The following NSMAF variants were observed in gnomAD, a reference collection of about 807,000 sequenced individuals.
NSMAF encodes protein FAN.
A neutral mutation model predicts 134.9 loss-of-function variants in NSMAF; 90 were observed. The ratio of observed to expected loss-of-function variants is 0.67; its 90% CI spans 0.56 to 0.79. The LOEUF is 0.79. Ranked by LOEUF, NSMAF falls within the 30% of genes least tolerant of loss-of-function variation. The pLI is 0.00. For synonymous variants in NSMAF, 358 were observed against 389.6 expected (o/e 0.92, Z 0.96); for missense variants, 1,010 against 1,119.0 (o/e 0.90, Z 1.39).
chr8:58,623,635 T>C (rs1009750391), intron 7 of NSMAF, 74 bp downstream of exon 7: 6 of 1,289,908 alleles, frequency 4.7e-6, no homozygotes, highest in Admixed American at 1.8e-5. Flanking sequence ...TTGGGTAAGG[T>C]ATATAAATAC....
chr8:58,639,587 G>A (rs967050205), intron 2 of NSMAF, among the ~76,000 whole-genome samples: 31 of 152,170 alleles, frequency 2.0e-4, no homozygotes, highest in African/African-American at 7.5e-4. Flanking sequence ...ATACTATCCA[G>A]CAATCCCACT....
intron 1 of NSMAF, among the ~76,000 whole-genome samples, chr8:58,658,008 C>T (rs1237636533): frequency 6.6e-6 from 1 of 152,084 alleles, no homozygotes; most frequent in Non-Finnish European, 1.5e-5. Context: ...ATTACTTCAT[C>T]GAAATAACAG....
intron 23 of NSMAF, 71 bp from the exon 24 acceptor site, chr8:58,591,005 C>T: frequency 2.0e-6 from 3 of 1,481,678 alleles, no homozygotes; most frequent in Non-Finnish European, 2.7e-6. Flanking sequence ...AGAACAGCTG[C>T]TCTTCTTGTT....
At chr8:58,646,103 A>G (rs1807446488) in intron 1 of NSMAF, among the ~76,000 whole-genome samples, 1 of 152,328 alleles carries the variant, frequency 6.6e-6, no homozygotes, top group South Asian at 2.1e-4. Context: ...CAAAAAATTA[A>G]AAATGATAGC....
chr8:58,621,846 T>C (rs1339796923), intron 9 of NSMAF, among the ~76,000 whole-genome samples: 5 of 152,164 alleles, frequency 3.3e-5, no homozygotes, highest in African/African-American at 1.2e-4. Context: ...TTTTTGCTTC[T>C]TTCTTCTAGA....
rs1236284501 is a variant in NSMAF at position 58,586,748 on chromosome 8, T to C, written c.2296-140A>G. The C allele has an allele frequency of 1.8e-5, 11 of 608,920 alleles. No individual in the cohort carries two copies. In the East Asian group the frequency reaches 2.6e-4, roughly 14 times the overall value. The allele number at this position is 608,920 out of a possible 1,614,324, so 37.7% of individuals were successfully genotyped here. ...AGTATGCCGGTGTTGCTAATGCAGATGTATTTCAACATCATCCTACGGAAT... is the reference window on the plus strand; with the variant it reads ...AGTATGCCGGTGTTGCTAATGCAGACGTATTTCAACATCATCCTACGGAAT... On this transcript the variant is annotated intron_variant, in intron 27 of 30. Transcript: ENST00000038176.
At chr8:58,652,976 T>C (rs1016993318) in intron 1 of NSMAF, among the ~76,000 whole-genome samples, 1 of 152,202 alleles carries the variant, frequency 6.6e-6, no homozygotes, top group Non-Finnish European at 1.5e-5. Context: ...ATGGTAAATA[T>C]GCATGTAAAA....
At chr8:58,642,712 A>G (rs185835658) in intron 2 of NSMAF, among the ~76,000 whole-genome samples, 6 of 152,350 alleles carry the variant, frequency 3.9e-5, no homozygotes, top group African/African-American at 1.2e-4. Flanking sequence ...AGTTACAATT[A>G]TAACTTTTAA....
At chr8:58,624,250 T>C (rs896460697) in intron 6 of NSMAF, among the ~76,000 whole-genome samples, 14 of 152,028 alleles carry the variant, frequency 9.2e-5, no homozygotes, top group African/African-American at 3.4e-4. Context: ...TTTCACCATG[T>C]TGGCCAGGCT....
intron 9 of NSMAF, among the ~76,000 whole-genome samples, chr8:58,616,479 A>C (rs1034985597): frequency 1.3e-5 from 2 of 152,172 alleles, no homozygotes; most frequent in Non-Finnish European, 2.9e-5. Flanking sequence ...GTAATTCAAA[A>C]CATTAACAGA....
intron 5 of NSMAF, among the ~76,000 whole-genome samples, chr8:58,633,266 A>C (rs1026336059): frequency 6.6e-6 from 1 of 151,774 alleles, no homozygotes; most frequent in Admixed American, 6.6e-5. Flanking sequence ...GAGCACTCAC[A>C]CTCCTGTGCC....
intron 22 of NSMAF, chr8:58,594,573 T>TGAAGA: frequency 2.4e-6 from 1 of 420,622 alleles, no homozygotes; most frequent in Non-Finnish European, 4.3e-6. Flanking sequence ...ATTGGAAAAC[T>TGAAGA]CTTCTCCTTC....
intron 9 of NSMAF, among the ~76,000 whole-genome samples, chr8:58,610,026 T>C (rs1405244274): frequency 6.6e-6 from 1 of 152,070 alleles, no homozygotes; most frequent in African/African-American, 2.4e-5. Context: ...CCAAAATAAA[T>C]AGGCCTTGAA....
At chr8:58,611,075 C>T (rs1270159047) in intron 9 of NSMAF, among the ~76,000 whole-genome samples, 1 of 152,088 alleles carries the variant, frequency 6.6e-6, no homozygotes, top group Non-Finnish European at 1.5e-5. Context: ...TCAACACTTC[C>T]TTTTTAACAA....
rs1806007350 is a variant in NSMAF at position 58,590,919 on chromosome 8, A to G, written c.1967T>C (p.Met656Thr). The G allele has an allele frequency of 6.4e-7, 1 of 1,571,456 alleles. No individual in the cohort carries two copies. Among genetic ancestry groups the G allele is most frequent in the Non-Finnish European group, 8.7e-7 (1 of 1,148,506 alleles). The stretch of plus-strand genomic sequence containing the variant: ...TAGCATTTTTGATTCTTTAGAAAAC[A>G]TCTTCAAGGTGGAATCTAATTTAAT... ...FTTSQDSTLK[M>T]FSKESKMLQR... is the part of the protein sequence containing the mutation. Residue 656 changes from methionine (M) to threonine (T), a missense_variant, in exon 24 of 31, where the codon ATG becomes ACG. Coordinates refer to ENST00000038176, the MANE Select transcript of NSMAF (RefSeq NM_003580.4).
At chr8:58,613,875 G>T (rs910126178) in intron 9 of NSMAF, among the ~76,000 whole-genome samples, 1 of 152,172 alleles carries the variant, frequency 6.6e-6, no homozygotes, top group Admixed American at 6.5e-5. Context: ...GCTCCAATGA[G>T]CATTTCCTTT....
intron 6 of NSMAF, among the ~76,000 whole-genome samples, chr8:58,630,782 T>C (rs1285685627): frequency 1.3e-5 from 2 of 152,200 alleles, no homozygotes; most frequent in African/African-American, 4.8e-5. Flanking sequence ...AGTATACAAT[T>C]TGTGCCGCCT....
At chr8:58,642,009 T>C (rs988551251) in intron 2 of NSMAF, among the ~76,000 whole-genome samples, 1 of 152,188 alleles carries the variant, frequency 6.6e-6, no homozygotes, top group Non-Finnish European at 1.5e-5. Flanking sequence ...GAAAAGAATA[T>C]GAGCAAAATT....
rs926129900 is a variant in NSMAF at position 58,588,523 on chromosome 8, C to A, written c.2212-822G>T. On this transcript the variant is annotated intron_variant, in intron 26 of 30. Transcript: ENST00000038176. ...ACGAGATCGATTCCTGACTACTTTGCTGTGAATTGCACAACTCACACAGTA... is the reference window on the plus strand; with the variant it reads ...ACGAGATCGATTCCTGACTACTTTGATGTGAATTGCACAACTCACACAGTA... The A allele has an allele frequency of 6.5e-6, 8 of 1,224,738 alleles. 1 individual carries two copies. The South Asian group carries it at 9.7e-5, about 15-fold the overall frequency. The allele number at this position is 1,224,738 out of a possible 1,614,324, so 75.9% of individuals were successfully genotyped here.
Sources: allele counts gnomAD v4.1 joint callset (sites outside exome capture counted in the v4.1 genomes callset), GRCh38; gene constraint gnomAD v4.1.1; transcripts MANE v1.5; gene names NCBI Gene and HGNC (gene_info 2026-07-23, HGNC 2026-07-21).